The following GART variants were observed in gnomAD, a reference collection of about 807,000 sequenced individuals.
The protein encoded by GART is phosphoribosylglycinamide formyltransferase, phosphoribosylglycinamide synthetase, phosphoribosylaminoimidazole synthetase.
In GART, 43 loss-of-function variants were observed where a neutral mutation model predicts 107.2. That is an observed-to-expected ratio of 0.40 (90% CI 0.31 to 0.52). The LOEUF (loss-of-function observed/expected upper bound fraction) is 0.52. Ranked by LOEUF, GART falls within the 20% of genes least tolerant of loss-of-function variation. The pLI is 0.52. For missense variants in GART, 1,107 were observed against 1,206.5 expected (o/e 0.92, Z 1.22); for synonymous variants, 434 against 427.0 (o/e 1.02, Z -0.20).
At position 33,509,675 on chromosome 21, in the gene GART, C is replaced by T. The variant is rs2145681747; in HGVS notation, c.2452+108G>A. 5.3e-6 allele frequency: 6 copies of T among 1,123,140 alleles called. No homozygotes were observed. In the South Asian group the frequency reaches 8.9e-5, roughly 17 times the overall value. The allele number at this position is 1,123,140 out of a possible 1,614,324, so 69.6% of individuals were successfully genotyped here. A position where few individuals can be genotyped will look rare whatever the true frequency, so the allele number is the denominator to read the frequency against. On this transcript the variant is annotated intron_variant, in intron 18 of 21. Transcript: ENST00000381815. Reference sequence around the variant, plus strand: ...AGACAAAGACAACCCTCATGATTCCCCCCAGTCCCTAGACTCTGCCGAGAG... The same window carrying T: ...AGACAAAGACAACCCTCATGATTCCTCCCAGTCCCTAGACTCTGCCGAGAG...
chr21:33,521,300 T>A (rs748844736), intron 12 of GART, among the ~76,000 whole-genome samples: 4 of 151,976 alleles, frequency 2.6e-5, no homozygotes, highest in Non-Finnish European at 5.9e-5. Flanking sequence ...CCTTCCTGAG[T>A]ATGAGAGATT....
chr21:33,528,811 C>T, intron 8 of GART, 39 bp downstream of exon 8: 2 of 1,304,032 alleles, frequency 1.5e-6, no homozygotes, highest in Non-Finnish European at 2.2e-6. Context: ...TAGAAAGTTA[C>T]TCTATAGGTG....
intron 12 of GART, among the ~76,000 whole-genome samples, chr21:33,521,402 C>G (rs897726853): frequency 6.6e-6 from 1 of 151,128 alleles, no homozygotes. Flanking sequence ...GAGGCCGAGG[C>G]GGGTGGATCA....
intron 17 of GART, among the ~76,000 whole-genome samples, chr21:33,510,721 GGAAA>G (rs1467994405): frequency 6.6e-6 from 1 of 152,142 alleles, no homozygotes; most frequent in Non-Finnish European, 1.5e-5. Context: ...ACACAATAGA[GGAAA>G]GAAAGGCAGA....
intron 4 of GART, among the ~76,000 whole-genome samples, chr21:33,533,150 G>T (rs958182210): frequency 6.6e-6 from 1 of 152,102 alleles, no homozygotes; most frequent in African/African-American, 2.4e-5. Context: ...ATTTAAAATT[G>T]CAATAGTGGC....
chr21:33,540,379 A>C (rs959350164), intron 1 of GART, among the ~76,000 whole-genome samples: 2 of 152,268 alleles, frequency 1.3e-5, no homozygotes, highest in African/African-American at 4.8e-5. Flanking sequence ...ACATGTCACA[A>C]AAACCTCATT....
intron 11 of GART, among the ~76,000 whole-genome samples, chr21:33,522,845 C>T (rs1477728610): frequency 1.3e-5 from 2 of 152,188 alleles, no homozygotes; most frequent in Non-Finnish European, 2.9e-5. Flanking sequence ...CATTTTGCTG[C>T]AACTTTTCTC....
intron 8 of GART, 94 bp downstream of exon 8, chr21:33,528,756 T>TAAAAAAA: frequency 1.2e-6 from 1 of 801,786 alleles, no homozygotes; most frequent in South Asian, 2.1e-5. Flanking sequence ...TAAAAAGTGG[T>TAAAAAAA]AAAAAAAAAA....
Position 33,504,413 on chromosome 21 carries a change from G to C in GART, c.2840C>G (p.Ala947Gly). 1 of 1,613,178 alleles carries C rather than the reference G, an allele frequency of 6.2e-7. No homozygotes were observed. ...TVTGCTVHFV[A>G]EDVDAGQIIL... ...GTTGGTAGAAAAAGACATACTCACA[G>C]CTACAAAGTGTACAGTGCACCCAGT... Residue 947 changes from alanine to glycine, a missense_variant and splice_region_variant, in exon 21 of 22, where the codon GCT (alanine) becomes GGT (glycine). Coordinates refer to ENST00000381815, the MANE Select transcript of GART (RefSeq NM_000819.5).
At chr21:33,539,635 G>C (rs1456825431) in intron 1 of GART, among the ~76,000 whole-genome samples, 1 of 151,804 alleles carries the variant, frequency 6.6e-6, no homozygotes, top group Non-Finnish European at 1.5e-5. Context: ...GGAGATCGCA[G>C]TGAGCCAGGA....
intron 18 of GART, chr21:33,509,319 A>T (rs2084742069): frequency 6.5e-6 from 1 of 153,146 alleles, no homozygotes; most frequent in Non-Finnish European, 1.5e-5. Flanking sequence ...ATTTAAGAAC[A>T]TACTGAATAT....
chr21:33,522,614 T>C (rs570052531), intron 11 of GART, among the ~76,000 whole-genome samples: 1 of 152,350 alleles, frequency 6.6e-6, no homozygotes, highest in Non-Finnish European at 1.5e-5. Flanking sequence ...TGATTTTTTA[T>C]TAAGGTAGAA....
At chr21:33,505,264 T>G (rs1378696085) in intron 20 of GART, among the ~76,000 whole-genome samples, 1 of 152,212 alleles carries the variant, frequency 6.6e-6, no homozygotes, top group Non-Finnish European at 1.5e-5. Flanking sequence ...AGATGAAATA[T>G]TATCTTTGCA....
intron 11 of GART, chr21:33,524,118 T>C (rs1311400773): frequency 1.0e-6 from 1 of 985,162 alleles, no homozygotes; most frequent in Non-Finnish European, 1.2e-6. Flanking sequence ...AACGCAGTGA[T>C]AAAATGAGAC....
At chr21:33,539,418 C>A in intron 1 of GART, 62 bp from the exon 2 acceptor site, 2 of 1,300,844 alleles carry the variant, frequency 1.5e-6, no homozygotes, top group Admixed American at 4.6e-5. Context: ...CAGGGACGGG[C>A]ACAGTGGCTC....
intron 10 of GART, among the ~76,000 whole-genome samples, chr21:33,526,888 CTA>C (rs1475163161): frequency 6.6e-6 from 1 of 152,086 alleles, no homozygotes; most frequent in Non-Finnish European, 1.5e-5. Context: ...TTTTCCGTCT[CTA>C]TTTCTTTTGT....
chr21:33,534,532 A>C, intron 4 of GART, 47 bp downstream of exon 4: 1 of 1,605,364 alleles, frequency 6.2e-7, no homozygotes, highest in Non-Finnish European at 8.5e-7. Context: ...TGTGTATTTA[A>C]ATATCAAAAC....
intron 11 of GART, chr21:33,523,935 C>T: frequency 1.1e-6 from 1 of 891,164 alleles, no homozygotes; most frequent in Non-Finnish European, 1.3e-6. Context: ...CCACTGCACT[C>T]CAGCCTGGGC....
chr21:33,513,668 T>C (rs543279722), intron 16 of GART, among the ~76,000 whole-genome samples: 1 of 152,230 alleles, frequency 6.6e-6, no homozygotes, highest in East Asian at 1.9e-4. Context: ...TTCTTAATAG[T>C]TGACCTCAGA....
Sources: gnomAD v4.1 joint callset for allele counts (sites outside exome capture counted in the v4.1 genomes callset) on GRCh38, gnomAD v4.1.1 for gene constraint, MANE v1.5 for transcripts, NCBI Gene and HGNC (gene_info 2026-07-23, HGNC 2026-07-21) for gene names.